The following TRAPPC9 variants were observed in gnomAD, a reference collection of about 807,000 sequenced individuals.
TRAPPC9 encodes trafficking protein particle complex subunit 9.
In TRAPPC9, 83 loss-of-function variants were observed where a neutral mutation model predicts 124.0. The observed-to-expected ratio is 0.67, with a 90% CI of 0.56 to 0.80. The LOEUF (loss-of-function observed/expected upper bound fraction) is 0.80, where lower values mean the gene tolerates loss of function less well. TRAPPC9 is among the 30% of genes least tolerant of loss of function. TRAPPC9 has a pLI of 0.00. For missense variants in TRAPPC9, 1,302 were observed against 1,508.3 expected (o/e 0.86, Z 2.27); for synonymous variants, 638 against 617.5 (o/e 1.03, Z -0.49).
At chr8:139,739,296 G>T (rs966527056) in intron 21 of TRAPPC9, among the ~76,000 whole-genome samples, 2 of 152,172 alleles carry the variant, frequency 1.3e-5, no homozygotes, top group Non-Finnish European at 2.9e-5. Flanking sequence ...GCCTCCACCC[G>T]CCCCGCCCTG....
chr8:139,994,592 G>A (rs1837850024), intron 18 of TRAPPC9, among the ~76,000 whole-genome samples: 1 of 152,142 alleles, frequency 6.6e-6, no homozygotes, highest in Admixed American at 6.5e-5. Flanking sequence ...TCTAAAAGTG[G>A]GCTACTATAT....
chr8:139,915,518 G>A (rs7816951), intron 19 of TRAPPC9, among the ~76,000 whole-genome samples: 48,348 of 152,038 alleles, frequency 0.32, 8,351 homozygotes, highest in African/African-American at 0.47. Context: ...AAATACTGGG[G>A]TTACAGGCAT....
chr8:140,338,574 G>T (rs1046811045), intron 9 of TRAPPC9, among the ~76,000 whole-genome samples: 1 of 152,240 alleles, frequency 6.6e-6, no homozygotes, highest in South Asian at 2.1e-4. Flanking sequence ...TCTTCAAAGA[G>T]ATAATGGAGG....
At chr8:139,910,973 C>G (rs539425486) in intron 19 of TRAPPC9, among the ~76,000 whole-genome samples, 1 of 152,238 alleles carries the variant, frequency 6.6e-6, no homozygotes. Context: ...CTTTGGGAGA[C>G]CGTTGGGAAG....
chr8:140,122,637 A>C (rs1401750050), intron 17 of TRAPPC9, among the ~76,000 whole-genome samples: 2 of 152,236 alleles, frequency 1.3e-5, no homozygotes, highest in Non-Finnish European at 2.9e-5. Context: ...TTTTAAGTGT[A>C]TATCTAAGTC....
In TRAPPC9 at chr8:139,853,470, G is replaced by C. The variant is rs73726681; in HGVS notation, c.3055+32409C>G. ...GGAAGGGACTGGGAAGAAAGGGACA[G>C]AACTCTGTTCATCCTGAATCACCTG... On this transcript the variant is annotated intron_variant, in intron 21 of 22. Coordinates refer to ENST00000438773, the MANE Select transcript of TRAPPC9 (RefSeq NM_001160372.4). Among the ~76,000 whole-genome samples, 459 of 152,358 alleles carry C rather than the reference G, an allele frequency of 3.0e-3. 4 individuals carry two copies. The highest frequency in any genetic ancestry group is 0.011 in the African/African-American group (438 of 41,584).
chr8:139,834,203 G>A (rs554683347), intron 21 of TRAPPC9, among the ~76,000 whole-genome samples: 141 of 152,318 alleles, frequency 9.3e-4, no homozygotes, highest in African/African-American at 3.2e-3. Flanking sequence ...CTTGCTGGTG[G>A]TGTGGTTAGT....
At chr8:140,042,967 G>A (rs973021589) in intron 17 of TRAPPC9, among the ~76,000 whole-genome samples, 2 of 152,134 alleles carry the variant, frequency 1.3e-5, no homozygotes, top group East Asian at 1.9e-4. Context: ...GTCTTCACAC[G>A]GGAGCCAATG....
At chr8:139,892,454 C>A (rs1051956312) in intron 20 of TRAPPC9, among the ~76,000 whole-genome samples, 6 of 152,146 alleles carry the variant, frequency 3.9e-5, no homozygotes, top group Non-Finnish European at 8.8e-5. Context: ...AGGCAGAGGT[C>A]CTAGGGCCCC....
At chr8:139,793,589 AG>A (rs1345542087) in intron 21 of TRAPPC9, among the ~76,000 whole-genome samples, 1 of 152,210 alleles carries the variant, frequency 6.6e-6, no homozygotes, top group Non-Finnish European at 1.5e-5. Context: ...AAGACTGGAT[AG>A]AGACTTAGTC....
intron 19 of TRAPPC9, chr8:139,932,966 G>A (rs765955360): frequency 1.6e-4 from 26 of 163,532 alleles, no homozygotes; most frequent in South Asian, 3.3e-4. Flanking sequence ...CCTCTGCTCC[G>A]GTGCACAAAT....
chr8:140,127,555 G>A (rs1020528657), intron 17 of TRAPPC9, among the ~76,000 whole-genome samples: 1 of 152,268 alleles, frequency 6.6e-6, no homozygotes, highest in Non-Finnish European at 1.5e-5. Context: ...AAATATCCAC[G>A]GAGCTAAAGA....
intron 21 of TRAPPC9, among the ~76,000 whole-genome samples, chr8:139,861,285 A>G (rs994343840): frequency 6.6e-6 from 1 of 152,112 alleles, no homozygotes; most frequent in Non-Finnish European, 1.5e-5. Context: ...TCATTCCCCT[A>G]TTGGCTAGGG....
intron 21 of TRAPPC9, among the ~76,000 whole-genome samples, chr8:139,749,574 CCA>C (rs951396602): frequency 1.3e-5 from 2 of 152,210 alleles, no homozygotes; most frequent in African/African-American, 4.8e-5. Context: ...CCCTGTACCC[CCA>C]GACTGTCCTC....
chr8:140,338,474 C>T (rs2067102298), intron 9 of TRAPPC9, among the ~76,000 whole-genome samples: 1 of 152,220 alleles, frequency 6.6e-6, no homozygotes, highest in Non-Finnish European at 1.5e-5. Context: ...GTGCATGGTA[C>T]AGGTTGAATC....
chr8:140,208,150 CA>C (rs200326778), intron 17 of TRAPPC9, among the ~76,000 whole-genome samples: 42,429 of 131,638 alleles, frequency 0.32, 6,428 homozygotes, highest in East Asian at 0.62. Context: ...AACTCTGTCT[CA>C]AAAAAAAAAA....
chr8:140,191,711 T>C (rs917537480), intron 17 of TRAPPC9, among the ~76,000 whole-genome samples: 6 of 152,152 alleles, frequency 3.9e-5, no homozygotes, highest in African/African-American at 1.4e-4. Context: ...AACTACCCAG[T>C]CTCAGGTATT....
chr8:140,178,103 T>C (rs2062112511), intron 17 of TRAPPC9, among the ~76,000 whole-genome samples: 1 of 152,156 alleles, frequency 6.6e-6, no homozygotes, highest in South Asian at 2.1e-4. Flanking sequence ...TATTTCTTCC[T>C]TTCCAATCTG....
At chr8:140,261,208 G>A (rs117861985) in intron 15 of TRAPPC9, among the ~76,000 whole-genome samples, 1 of 152,340 alleles carries the variant, frequency 6.6e-6, no homozygotes, top group East Asian at 1.9e-4. Context: ...GCAGCACTGT[G>A]ATGAGACTTG....
Sources: gnomAD v4.1 joint callset for allele counts (sites outside exome capture counted in the v4.1 genomes callset) on GRCh38, gnomAD v4.1.1 for gene constraint, MANE v1.5 for transcripts, NCBI Gene and HGNC (gene_info 2026-07-23, HGNC 2026-07-21) for gene names.